Variants in PRDM15 observed in about 807,000 individuals in gnomAD.
PRDM15 encodes PR/SET domain 15.
Under a neutral mutation model 128.6 loss-of-function variants are expected in PRDM15, and 64 were observed. The observed-to-expected ratio is 0.50, with a 90% CI of 0.41 to 0.61. PRDM15 has a LOEUF of 0.61. Ranked by LOEUF, PRDM15 falls within the 20% of genes least tolerant of loss-of-function variation. PRDM15 has a pLI of 0.00. For synonymous variants in PRDM15, 615 were observed against 621.8 expected, an observed-to-expected ratio of 0.99 and a Z score of 0.16; for missense variants, 1,242 against 1,569.1, an observed-to-expected ratio of 0.79 and a Z score of 3.52.
At position 41,836,658 on chromosome 21, in the gene PRDM15, G is replaced by A. The variant is rs1388161963; in HGVS notation, c.1002-9C>T. 4 of 1,584,208 alleles carry A rather than the reference G, an allele frequency of 2.5e-6. No homozygotes were observed. Among genetic ancestry groups the A allele is most frequent in the African/African-American group, 1.3e-5 (1 of 74,126 alleles). On this transcript the variant is annotated splice_polypyrimidine_tract_variant and intron_variant, in intron 8 of 23. Transcript: ENST00000398548. ...TCTGATGATGGGTGAACCTGCCCAGGGACGTCAATAAGTTGGGAAAAGACA... is the reference window on the plus strand; with the variant it reads ...TCTGATGATGGGTGAACCTGCCCAGAGACGTCAATAAGTTGGGAAAAGACA...
Position 41,801,583 on chromosome 21 carries a change from G to A in PRDM15, c.3083C>T (p.Thr1028Ile). The change falls in exon 24 of 24, where the codon ACC becomes ATC. Residue 1028 changes from threonine to isoleucine, a missense_variant. Coordinates refer to ENST00000398548, the MANE Select transcript of PRDM15 (RefSeq NM_001040424.3). The stretch of plus-strand genomic sequence containing the variant: ...CAGCTGTAACTGGCGTTCAGGGGTG[G>A]TAAGGTGCCCCACGGCCACCGGCTG... ...NLQPVAVGHL[T>I]TPERQLQLDN... 5.0e-6 allele frequency: 8 copies of A among 1,614,184 alleles called. No individual in the cohort carries two copies. Among genetic ancestry groups the A allele is most frequent in the Non-Finnish European group, 5.9e-6 (7 of 1,180,028 alleles).
At chr21:41,809,634 T>G (rs1176900740) in intron 21 of PRDM15, among the ~76,000 whole-genome samples, 1 of 152,230 alleles carries the variant, frequency 6.6e-6, no homozygotes, top group Admixed American at 6.5e-5. Flanking sequence ...GAGAGTCTAC[T>G]CTTTTCTGTG....
chr21:41,876,407 C>T (rs1043673500), intron 1 of PRDM15, among the ~76,000 whole-genome samples: 4 of 152,156 alleles, frequency 2.6e-5, no homozygotes, highest in African/African-American at 7.2e-5. Context: ...AGCAGAGTCC[C>T]CCAATGCCAC....
intron 11 of PRDM15, among the ~76,000 whole-genome samples, chr21:41,834,208 C>A (rs142299793): frequency 2.7e-5 from 4 of 149,230 alleles, no homozygotes; most frequent in African/African-American, 9.9e-5. Flanking sequence ...AACAGTCCAA[C>A]CCCAGGAAGA....
At chr21:41,823,815 C>G (rs182389672) in intron 13 of PRDM15, among the ~76,000 whole-genome samples, 18 of 152,298 alleles carry the variant, frequency 1.2e-4, no homozygotes, top group Non-Finnish European at 1.8e-4. Context: ...AAGGAGATAT[C>G]AAAAAAGAAA....
intron 1 of PRDM15, among the ~76,000 whole-genome samples, chr21:41,866,948 G>A (rs984174553): frequency 2.0e-5 from 3 of 152,114 alleles, no homozygotes; most frequent in Non-Finnish European, 2.9e-5. Context: ...TCCCTTCTCA[G>A]TACAAACAGG....
In PRDM15 at chr21:41,816,220, T is replaced by C. The variant is rs113714244; in HGVS notation, c.2261-384A>G. On this transcript the variant is annotated intron_variant, in intron 18 of 23. Transcript: ENST00000398548. ...TCAACCTTGACAATATGAGTGGTGATTGGGATTCGGACGCGAGATGGTTTC... is the reference window on the plus strand; with the variant it reads ...TCAACCTTGACAATATGAGTGGTGACTGGGATTCGGACGCGAGATGGTTTC... 4.6e-5 allele frequency among the ~76,000 whole-genome samples: 7 copies of C among 152,340 alleles called. 1 individual carries two copies. The highest frequency in any genetic ancestry group is 1.4e-4 in the African/African-American group (6 of 41,580).
intron 6 of PRDM15, among the ~76,000 whole-genome samples, chr21:41,841,366 A>G (rs2063069062): frequency 1.3e-5 from 2 of 152,366 alleles, no homozygotes; most frequent in South Asian, 2.1e-4. Context: ...AACATCCCCA[A>G]TGTGCAGAAA....
At chr21:41,822,321 G>A (rs2146404309) in intron 14 of PRDM15, among the ~76,000 whole-genome samples, 1 of 152,346 alleles carries the variant, frequency 6.6e-6, no homozygotes, top group Middle Eastern at 3.4e-3. Context: ...AGGCACTGCT[G>A]GGAAGTCCCC....
chr21:41,847,617 G>T (rs117315624), intron 5 of PRDM15, among the ~76,000 whole-genome samples: 4,995 of 152,210 alleles, frequency 0.033, 119 homozygotes, highest in Middle Eastern at 0.099. Flanking sequence ...AGCCAGTGGC[G>T]CCCCCGTGTG....
At chr21:41,830,873 T>C (rs1171631472) in intron 11 of PRDM15, among the ~76,000 whole-genome samples, 1 of 152,240 alleles carries the variant, frequency 6.6e-6, no homozygotes, top group Non-Finnish European at 1.5e-5. Context: ...TCTGTCCCTC[T>C]GACTCTCACA....
chr21:41,847,135 A>G lies in PRDM15; in HGVS notation c.595T>C (p.Cys199Arg). ...PVESEPSQWA[C>R]KVCSATFLEL... The stretch of plus-strand genomic sequence containing the variant: ...AGGAAGGTGGCAGAACACACTTTAC[A>G]CGCCCACTGGCTGGGCTCCGACTCC... Residue 199 changes from cysteine (C) to arginine (R), a missense_variant, in exon 6 of 24, where the codon TGT (cysteine) becomes CGT (arginine). Physicochemically the swap from Cys to Arg is radical, Grantham distance 180 (BLOSUM62 -3). Transcript: ENST00000398548. 6.4e-7 allele frequency: 1 copy of G among 1,555,704 alleles called. No individual in the cohort carries two copies. The highest frequency in any genetic ancestry group is 8.7e-7 in the Non-Finnish European group (1 of 1,148,798).
intron 6 of PRDM15, among the ~76,000 whole-genome samples, chr21:41,844,530 C>T (rs1404691090): frequency 4.8e-5 from 2 of 41,932 alleles, no homozygotes; most frequent in Non-Finnish European, 9.8e-5. Flanking sequence ...CAGCCCCTCC[C>T]CCCTCACAGG....
At chr21:41,809,034 C>T (rs764213400) in intron 21 of PRDM15, among the ~76,000 whole-genome samples, 7 of 152,228 alleles carry the variant, frequency 4.6e-5, no homozygotes, top group East Asian at 1.9e-4. Flanking sequence ...CATCCTCCGC[C>T]GCTACCGTTT....
Position 41,815,792 on chromosome 21 carries a change from T to C in PRDM15, c.2305A>G (p.Lys769Glu). The change falls in exon 19 of 24, where the codon AAG becomes GAG. Residue 769 changes from lysine (K) to glutamate (E), a missense_variant. Lys to Glu is a moderately conservative substitution (Grantham distance 56). Transcript: ENST00000398548. ...TTGCACTCGTACTCCTTGATGCCCT[T>C]GTGCAGCTTCATGTGGTGGCGCAGC... ...HALRHHMKLH[K>E]GIKEYECKEC... The C allele has an allele frequency of 6.2e-7, 1 of 1,614,092 alleles. No homozygotes were observed. Among genetic ancestry groups the C allele is most frequent in the East Asian group, 2.2e-5 (1 of 44,878 alleles).
At position 41,862,386 on chromosome 21, in the gene PRDM15, G is replaced by A. The variant is rs879508119; in HGVS notation, c.-9-2014C>T. 1.3e-5 allele frequency among the ~76,000 whole-genome samples: 2 copies of A among 152,128 alleles called. No homozygotes were observed. The highest frequency in any genetic ancestry group is 2.4e-5 in the African/African-American group (1 of 41,418). ...GAATCCCCTGAGGCCTTGTGTGGCC[G>A]CCTCTCCCCGGGGCAGACCTTGCCT... On this transcript the variant is annotated intron_variant, in intron 1 of 23. Coordinates refer to ENST00000398548, the MANE Select transcript of PRDM15 (RefSeq NM_001040424.3). The surrounding 1 kb of genome is among the most constrained non-coding windows in gnomAD (Gnocchi z 4.1).
intron 11 of PRDM15, among the ~76,000 whole-genome samples, chr21:41,830,533 G>A (rs887046643): frequency 2.1e-5 from 3 of 144,492 alleles, no homozygotes; most frequent in Non-Finnish European, 4.5e-5. Flanking sequence ...CACCACACAC[G>A]AATACACACA....
At chr21:41,806,623 TCATCAC>T (rs2061672721) in intron 21 of PRDM15, among the ~76,000 whole-genome samples, 1 of 8,100 alleles carries the variant, frequency 1.2e-4, no homozygotes. Flanking sequence ...ATCACCACCA[TCATCAC>T]CACCACCACC....
chr21:41,858,048 G>A (rs2063691468), intron 3 of PRDM15, among the ~76,000 whole-genome samples: 1 of 152,216 alleles, frequency 6.6e-6, no homozygotes, highest in South Asian at 2.1e-4. Context: ...GGGGTCCAGC[G>A]ATGGAGGAGG....
Sources: gnomAD v4.1 joint callset for allele counts (sites outside exome capture counted in the v4.1 genomes callset) on GRCh38, gnomAD v4.1.1 for gene constraint, Gnocchi (gnomAD v3.1) non-coding constraint, MANE v1.5 for transcripts, NCBI Gene and HGNC (gene_info 2026-07-23, HGNC 2026-07-21) for gene names.